ARHGAP15: variants seen among roughly 807,000 people sequenced by gnomAD.
ARHGAP15 encodes Rho GTPase activating protein 15.
ARHGAP15 carries 51 observed loss-of-function variants against 63.7 expected under a neutral mutation model. The observed-to-expected ratio is 0.80, with a 90% CI of 0.64 to 1.01. The LOEUF is 1.01. Among genes scored for constraint, ARHGAP15 ranks in the 50% least tolerant of loss-of-function variants. The pLI is 0.00. For synonymous variants in ARHGAP15, 191 were observed against 193.8 expected (o/e 0.99, Z 0.12); for missense variants, 560 against 564.6 (o/e 0.99, Z 0.08).
chr2:143,189,682 G>A (rs1485928276), intron 2 of ARHGAP15, among the ~76,000 whole-genome samples: 3 of 151,398 alleles, frequency 2.0e-5, no homozygotes, highest in South Asian at 2.1e-4. Context: ...GGCTGGTATC[G>A]AACTCCTGAC....
chr2:143,578,387 C>T (rs1008292194), intron 11 of ARHGAP15, among the ~76,000 whole-genome samples: 2 of 152,058 alleles, frequency 1.3e-5, no homozygotes, highest in African/African-American at 4.8e-5. Flanking sequence ...ATTTAACTTT[C>T]AACAGGCAAA....
At chr2:143,662,506 G>A (rs1018223112) in intron 12 of ARHGAP15, among the ~76,000 whole-genome samples, 6 of 143,706 alleles carry the variant, frequency 4.2e-5, no homozygotes, top group African/African-American at 1.2e-4. Flanking sequence ...AACGCAGAGT[G>A]CCTCTCCTCC....
intron 6 of ARHGAP15, among the ~76,000 whole-genome samples, chr2:143,262,114 T>C (rs1680752589): frequency 6.6e-6 from 1 of 152,126 alleles, no homozygotes; most frequent in Non-Finnish European, 1.5e-5. Flanking sequence ...TGAGGCAAGA[T>C]GCAGTCAGTA....
intron 13 of ARHGAP15, among the ~76,000 whole-genome samples, chr2:143,752,563 C>G (rs906058838): frequency 2.0e-5 from 3 of 152,186 alleles, no homozygotes; most frequent in Non-Finnish European, 4.4e-5. Flanking sequence ...CTCCAAATCT[C>G]CATCTTATTG....
intron 11 of ARHGAP15, among the ~76,000 whole-genome samples, chr2:143,577,178 C>A (rs993880266): frequency 6.6e-6 from 1 of 152,112 alleles, no homozygotes; most frequent in Non-Finnish European, 1.5e-5. Flanking sequence ...CTACCATCTG[C>A]ACCACATTTC....
intron 10 of ARHGAP15, among the ~76,000 whole-genome samples, chr2:143,523,986 A>G (rs73007267): frequency 5.3e-5 from 8 of 152,288 alleles, no homozygotes; most frequent in African/African-American, 1.9e-4. Flanking sequence ...AGAATGCCTC[A>G]GCAGATGCTA....
chr2:143,478,160 C>T (rs1038512931), intron 8 of ARHGAP15, among the ~76,000 whole-genome samples: 1 of 152,180 alleles, frequency 6.6e-6, no homozygotes, highest in Admixed American at 6.5e-5. Context: ...AGTATGCATC[C>T]TTGCAGCAGA....
At chr2:143,399,827 A>T (rs1272342680) in intron 6 of ARHGAP15, among the ~76,000 whole-genome samples, 1 of 152,032 alleles carries the variant, frequency 6.6e-6, no homozygotes, top group Non-Finnish European at 1.5e-5. Context: ...TTCCTCTATC[A>T]GATAAGGACA....
chr2:143,306,783 C>T (rs1683193308), intron 6 of ARHGAP15, among the ~76,000 whole-genome samples: 1 of 152,062 alleles, frequency 6.6e-6, no homozygotes, highest in East Asian at 1.9e-4. Context: ...TCACTTTTTC[C>T]ATCCCTTTCC....
chr2:143,687,207 TC>T (rs1345194819), intron 12 of ARHGAP15, among the ~76,000 whole-genome samples: 1 of 151,206 alleles, frequency 6.6e-6, no homozygotes, highest in African/African-American at 2.4e-5. Context: ...GCTTAAAGGC[TC>T]AGGTATGAGA....
chr2:143,240,254 A>C (rs1341021637), intron 5 of ARHGAP15, among the ~76,000 whole-genome samples: 1 of 152,072 alleles, frequency 6.6e-6, no homozygotes, highest in East Asian at 1.9e-4. Flanking sequence ...TTTCAATATG[A>C]GTAATGAACA....
At chr2:143,569,751 G>A (rs980518184) in intron 11 of ARHGAP15, among the ~76,000 whole-genome samples, 7 of 152,192 alleles carry the variant, frequency 4.6e-5, no homozygotes, top group African/African-American at 1.7e-4. Flanking sequence ...GCTAAGAGAA[G>A]AATGAATTGT....
At chr2:143,350,968 C>A (rs1462767132) in intron 6 of ARHGAP15, 2 of 150,430 alleles carry the variant, frequency 1.3e-5, no homozygotes, top group Admixed American at 1.3e-4. Context: ...ATTAAAATAT[C>A]TATTATAGTA....
intron 11 of ARHGAP15, among the ~76,000 whole-genome samples, chr2:143,566,022 G>T (rs1696207195): frequency 6.6e-6 from 1 of 152,108 alleles, no homozygotes; most frequent in Non-Finnish European, 1.5e-5. Context: ...AAAGTGTGCT[G>T]TAGAAAAAAA....
At chr2:143,444,411 T>C (rs1690040649) in intron 8 of ARHGAP15, among the ~76,000 whole-genome samples, 1 of 152,228 alleles carries the variant, frequency 6.6e-6, no homozygotes, top group African/African-American at 2.4e-5. Flanking sequence ...TCATCATTCA[T>C]TGTTGTCACA....
At chr2:143,245,453 CA>C (rs966240484) in intron 5 of ARHGAP15, among the ~76,000 whole-genome samples, 5 of 152,046 alleles carry the variant, frequency 3.3e-5, no homozygotes, top group African/African-American at 1.2e-4. Flanking sequence ...TTAGAAAAGT[CA>C]AAGAAGGAAG....
At chr2:143,679,433 A>T (rs527742909) in intron 12 of ARHGAP15, among the ~76,000 whole-genome samples, 2 of 152,308 alleles carry the variant, frequency 1.3e-5, no homozygotes, top group East Asian at 3.9e-4. Context: ...AAAGTTTATT[A>T]GCTCTGTTGA....
rs1474622634 is a variant in ARHGAP15, at chr2:143,348,770, G to A, written c.475-86831G>A. Among the ~76,000 whole-genome samples, 6 of 152,142 alleles carry A rather than the reference G, an allele frequency of 3.9e-5. 1 individual carries two copies. The highest frequency in any genetic ancestry group is 3.3e-4 in the Admixed American group (5 of 15,266). On this transcript the variant is annotated intron_variant, in intron 6 of 13. Transcript: ENST00000295095. ...ATAATCATTATAAAATTTCAATGGT[G>A]ATAGTTTTTCCCATGCCTCCACTAC...
rs184121711 is a variant in ARHGAP15, at chr2:143,527,982, G to T, written c.925+8618G>T. On this transcript the variant is annotated intron_variant, in intron 10 of 13. Transcript: ENST00000295095. ...ATTTCTGATAAGAGTATATCATATT[G>T]TTCAATAAGGTACCATTCTTGCTAT... 1.1e-3 allele frequency among the ~76,000 whole-genome samples: 174 copies of T among 152,100 alleles called. 1 individual carries two copies. The highest frequency in any genetic ancestry group is 4.0e-3 in the African/African-American group (168 of 41,510).
Sources: allele counts gnomAD v4.1 joint callset (sites outside exome capture counted in the v4.1 genomes callset), GRCh38; gene constraint gnomAD v4.1.1; transcripts MANE v1.5; gene names NCBI Gene and HGNC (gene_info 2026-07-23, HGNC 2026-07-21).